NFATC4: variants seen among roughly 807,000 people sequenced by gnomAD.
The protein encoded by NFATC4 is nuclear factor of activated T cells 4, also known as nuclear factor of activated T-cells, cytoplasmic 4.
NFATC4 carries 25 observed loss-of-function variants against 73.4 expected under a neutral mutation model. That is an observed-to-expected ratio of 0.34 (90% CI 0.25 to 0.48). The LOEUF is 0.48. Among genes scored for constraint, NFATC4 ranks in the 20% least tolerant of loss-of-function variants. The pLI is 0.99. For missense variants in NFATC4, 1,130 were observed against 1,203.7 expected, an observed-to-expected ratio of 0.94 and a Z score of 0.91; for synonymous variants, 523 against 510.3, an observed-to-expected ratio of 1.02 and a Z score of -0.34.
At position 24,369,992 on chromosome 14, in the gene NFATC4, G is replaced by A. The variant is rs1292593413; in HGVS notation, c.594G>A (p.Val198=). ...CCCTGTATGCAGCCTGCGACGAGGT[G>A]GAGTCTGAGCTAAATGAGGCGGCCT... ...EAALYAACDE[V]ESELNEAASR... Residue 198 remains valine, a synonymous_variant, in exon 2 of 10, where the codon GTG becomes GTA. Transcript: ENST00000250373. The A allele has an allele frequency of 1.9e-6, 3 of 1,612,768 alleles. No individual in the cohort carries two copies. Among genetic ancestry groups the A allele is most frequent in the Admixed American group, 1.7e-5 (1 of 60,014 alleles).
chr14:24,375,691 A>G lies in NFATC4; in HGVS notation c.1905A>G (p.Thr635=), dbSNP rs1249005597. 6.9e-6 allele frequency: 10 copies of G among 1,443,016 alleles called. No homozygotes were observed. The highest frequency in any genetic ancestry group is 8.3e-6 in the Non-Finnish European group (9 of 1,078,190). The allele number at this position is 1,443,016 out of a possible 1,614,324, so 89.4% of individuals were successfully genotyped here. A position where few individuals can be genotyped will look rare whatever the true frequency, so the allele number is the denominator to read the frequency against. Residue 635 remains threonine, a synonymous_variant, in exon 7 of 10, where the codon ACA becomes ACG. Coordinates refer to ENST00000250373, the MANE Select transcript of NFATC4 (RefSeq NM_004554.5). The stretch of plus-strand genomic sequence containing the variant: ...AGCTGCAATGGGAGGAGGAGGCCAC[A>G]GTGAACCGACTGCAGAGCAACGAGG... ...DGKLQWEEEA[T]VNRLQSNEVT... is the part of the protein sequence containing the mutation.
At chr14:24,369,466 C>T (rs1237556258) in intron 1 of NFATC4, 33 bp from the exon 2 acceptor site, 6 of 1,612,652 alleles carry the variant, frequency 3.7e-6, no homozygotes, top group African/African-American at 1.3e-5. Context: ...TCTCTTTCCC[C>T]CTCTCCCTCT....
At chr14:24,370,711 C>T in intron 2 of NFATC4, 117 bp downstream of exon 2, 2 of 1,370,868 alleles carry the variant, frequency 1.5e-6, no homozygotes, top group Non-Finnish European at 9.7e-7. Flanking sequence ...AAAAGAGTAT[C>T]TGCAACCAGC....
chr14:24,369,290 G>A lies in NFATC4; in HGVS notation c.101-209G>A, dbSNP rs115176817. 6.6e-3 allele frequency: 10,289 copies of A among 1,560,528 alleles called. 64 individuals carry two copies. Among genetic ancestry groups the A allele is most frequent in the Middle Eastern group, 0.019 (112 of 6,006 alleles). On this transcript the variant is annotated intron_variant, in intron 1 of 9. Transcript: ENST00000250373. Reference sequence around the variant, plus strand: ...GGGTACCCTCGGTCCTAGGATCCAGGGGCCAGTGGGCAAAGGCCTGGCATG... The same window carrying A: ...GGGTACCCTCGGTCCTAGGATCCAGAGGCCAGTGGGCAAAGGCCTGGCATG...
At chr14:24,367,700 T>C, upstream of NFATC4, 1 of 1,527,400 alleles carries the variant, frequency 6.5e-7, no homozygotes, top group South Asian at 1.2e-5. Flanking sequence ...AGCAACTCGG[T>C]GCCACTCTGC....
At chr14:24,367,440 A>G, upstream of NFATC4, 1 of 1,535,684 alleles carries the variant, frequency 6.5e-7, no homozygotes, top group Non-Finnish European at 8.7e-7. Context: ...GGTGGCTGGG[A>G]CAAGGGCAGC....
At chr14:24,372,813 A>G in intron 3 of NFATC4, 1 of 639,084 alleles carries the variant, frequency 1.6e-6, no homozygotes, top group East Asian at 2.8e-5. Flanking sequence ...AGCTCATCCC[A>G]TGGGACACCA....
At chr14:24,371,862 TG>T (rs2042481463) in intron 2 of NFATC4, 1 of 152,322 alleles carries the variant, frequency 6.6e-6, no homozygotes, top group South Asian at 2.1e-4. Context: ...TTGTATTTTT[TG>T]TAGAGACGGG....
Position 24,368,278 on chromosome 14 carries a change from A to T in NFATC4, c.-63A>T, listed in dbSNP as rs1455330873. 2 of 1,368,810 alleles carry T rather than the reference A, an allele frequency of 1.5e-6. No homozygotes were observed. The highest frequency in any genetic ancestry group is 4.0e-5 in the Admixed American group (1 of 24,984). 84.8% of individuals were successfully genotyped at this position (1,368,810 alleles called of 1,614,324 possible). A position where few individuals can be genotyped will look rare whatever the true frequency, so the allele number is the denominator to read the frequency against. ...GGGAGGGAGCCACCCGGGTGAAGAT[A>T]CAGCAGCCTCCTGAACTCCCCCCTC... On this transcript the variant is annotated 5_prime_UTR_variant, in exon 1 of 10. Transcript: ENST00000250373.
upstream of NFATC4, chr14:24,368,170 G>A: frequency 8.0e-7 from 1 of 1,253,198 alleles, no homozygotes; most frequent in Non-Finnish European, 1.0e-6. Context: ...GGGGAAAAAA[G>A]TTTGGAAAAG....
chr14:24,376,188 G>T lies in NFATC4; in HGVS notation c.2056+87G>T. 1.3e-5 allele frequency: 20 copies of T among 1,594,170 alleles called. No homozygotes were observed. The highest frequency in any genetic ancestry group is 1.7e-5 in the Non-Finnish European group (20 of 1,168,362). ...AGGGAAGCAGTACTCATCATGAGGG[G>T]CCAAGGGGTGAATGGAACCTGGGAG... On this transcript the variant is annotated intron_variant, in intron 8 of 9. Transcript: ENST00000250373. This position sits in a 1 kb window ranked among gnomAD's most constrained non-coding sequence, Gnocchi z 5.0.
Position 24,373,372 on chromosome 14 carries a change from T to G in NFATC4, c.1559+2T>G. The G allele has an allele frequency of 6.2e-7, 1 of 1,613,632 alleles. No individual in the cohort carries two copies. Among genetic ancestry groups the G allele is most frequent in the East Asian group, 2.2e-5 (1 of 44,866 alleles). On this transcript the variant is annotated splice_donor_variant, in intron 4 of 9. Transcript: ENST00000250373. LOFTEE classifies it high-confidence loss of function. This position sits in a 1 kb window ranked among gnomAD's most constrained non-coding sequence, Gnocchi z 4.7. The stretch of plus-strand genomic sequence containing the variant: ...GCCTGAGAACAACATGGCGGCCAAG[T>G]AAGTCCCATGCAACTTCCCCTCAGT...
In NFATC4 at chr14:24,373,918, C is replaced by CTG. The variant is rs375252788; in HGVS notation, c.1732+63_1732+64dup. 1.5e-5 allele frequency: 24 copies of CTG among 1,606,072 alleles called. No homozygotes were observed. Among genetic ancestry groups the CTG allele is most frequent in the South Asian group, 1.4e-4 (13 of 90,368 alleles). On this transcript the variant is annotated intron_variant, in intron 5 of 9. Transcript: ENST00000250373. This position sits in a 1 kb window ranked among gnomAD's most constrained non-coding sequence, Gnocchi z 4.7. ...TCTCTGTCTCTTGCAACTCTTTTGT[C>CTG]TGTGTGTGTGTGTCTGTCTGCCCAT... is the stretch of plus-strand genomic sequence containing the variant.
Position 24,377,961 on chromosome 14 carries a change from A to C in NFATC4, c.*256A>C. ...GTGAAGACTGAGGCTAGGTGCCAGA[A>C]TGGACTGGAGTGAAGGCGTGTCTAG... is the stretch of plus-strand genomic sequence containing the variant. On this transcript the variant is annotated 3_prime_UTR_variant, in exon 10 of 10. Coordinates refer to ENST00000250373, the MANE Select transcript of NFATC4 (RefSeq NM_004554.5). This position sits in a 1 kb window ranked among gnomAD's most constrained non-coding sequence, Gnocchi z 4.2. 4.4e-6 allele frequency: 3 copies of C among 674,948 alleles called. No homozygotes were observed. Among genetic ancestry groups the C allele is most frequent in the Non-Finnish European group, 2.4e-6 (1 of 414,224 alleles). 41.8% of individuals were successfully genotyped at this position (674,948 alleles called of 1,614,324 possible).
At position 24,368,323 on chromosome 14, in the gene NFATC4, G is replaced by T; in HGVS notation, c.-18G>T. The stretch of plus-strand genomic sequence containing the variant: ...CCCCTCCCACCCAGGCCGGGACCTG[G>T]GGGCTCCTGCCGGATCCATGGGGGC... On this transcript the variant is annotated 5_prime_UTR_variant, in exon 1 of 10. Coordinates refer to ENST00000250373, the MANE Select transcript of NFATC4 (RefSeq NM_004554.5). 1.4e-6 allele frequency: 2 copies of T among 1,395,674 alleles called. No individual in the cohort carries two copies. Among genetic ancestry groups the T allele is most frequent in the Non-Finnish European group, 1.9e-6 (2 of 1,076,794 alleles). The allele number at this position is 1,395,674 out of a possible 1,614,324, so 86.5% of individuals were successfully genotyped here. A position where few individuals can be genotyped will look rare whatever the true frequency, so the allele number is the denominator to read the frequency against.
At chr14:24,367,852 C>A (rs922985449), upstream of NFATC4, among the ~76,000 whole-genome samples, 4 of 152,132 alleles carry the variant, frequency 2.6e-5, no homozygotes, top group Admixed American at 6.5e-5. Flanking sequence ...AGGATGTGGC[C>A]CCTTTAAGGC....
At position 24,377,190 on chromosome 14, in the gene NFATC4, T is replaced by A; in HGVS notation, c.2641+312T>A. 1 of 1,273,558 alleles carries A rather than the reference T, an allele frequency of 7.9e-7. No individual in the cohort carries two copies. The highest frequency in any genetic ancestry group is 3.7e-5 in the Admixed American group (1 of 26,834). The allele number at this position is 1,273,558 out of a possible 1,614,324, so 78.9% of individuals were successfully genotyped here. On this transcript the variant is annotated intron_variant, in intron 9 of 9. Coordinates refer to ENST00000250373, the MANE Select transcript of NFATC4 (RefSeq NM_004554.5). This position sits in a 1 kb window ranked among gnomAD's most constrained non-coding sequence, Gnocchi z 4.2. ...CCATCCAGCGCATTCAATTTGCAAG[T>A]TTAGGCGTTGAGTTCCAGAGAGGGA...
Position 24,373,603 on chromosome 14 carries a change from C to A in NFATC4, c.1560-92C>A. 1 of 1,530,016 alleles carries A rather than the reference C, an allele frequency of 6.5e-7. No individual in the cohort carries two copies. Among genetic ancestry groups the A allele is most frequent in the Non-Finnish European group, 8.8e-7 (1 of 1,133,192 alleles). 94.8% of individuals were successfully genotyped at this position (1,530,016 alleles called of 1,614,324 possible). Reference sequence around the variant, plus strand: ...GGCACTCATCGAAAGTCATTCAAGGCTTTGGATGGAGGGCGGGAACTTCCC... The same window carrying A: ...GGCACTCATCGAAAGTCATTCAAGGATTTGGATGGAGGGCGGGAACTTCCC... On this transcript the variant is annotated intron_variant, in intron 4 of 9. Coordinates refer to ENST00000250373, the MANE Select transcript of NFATC4 (RefSeq NM_004554.5). The surrounding 1 kb of genome is among the most constrained non-coding windows in gnomAD (Gnocchi z 4.7).
rs1409886650 is a variant in NFATC4, at chr14:24,370,261, G to A, written c.863G>A (p.Gly288Asp). 2 of 1,612,556 alleles carry A rather than the reference G, an allele frequency of 1.2e-6. No homozygotes were observed. Among genetic ancestry groups the A allele is most frequent in the East Asian group, 2.2e-5 (1 of 44,880 alleles). The change falls in exon 2 of 10, where the codon GGC (glycine) becomes GAC (aspartate). Residue 288 changes from glycine (G) to aspartate (D), a missense_variant. Gly to Asp is a moderately conservative substitution (Grantham distance 94, BLOSUM62 -1). Coordinates refer to ENST00000250373, the MANE Select transcript of NFATC4 (RefSeq NM_004554.5). ...SSASPALSRR[G>D]SLGEEGSEPP... ...GCCTCCCCAGCTCTGTCCCGCCGTGGCAGCCTGGGGGAAGAGGGGTCTGAG... is the reference window on the plus strand; with the variant it reads ...GCCTCCCCAGCTCTGTCCCGCCGTGACAGCCTGGGGGAAGAGGGGTCTGAG...
Sources: gnomAD v4.1 joint callset for allele counts (sites outside exome capture counted in the v4.1 genomes callset) on GRCh38, gnomAD v4.1.1 for gene constraint, Gnocchi (gnomAD v3.1) non-coding constraint, MANE v1.5 for transcripts, NCBI Gene and HGNC (gene_info 2026-07-23, HGNC 2026-07-21) for gene names.